Variants in ANP32B observed in about 807,000 individuals in gnomAD.
ANP32B encodes acidic nuclear phosphoprotein 32 family member B, also known as acidic leucine-rich nuclear phosphoprotein 32 family member B.
Under a neutral mutation model 32.2 loss-of-function variants are expected in ANP32B, and 6 were observed. The ratio of observed to expected loss-of-function variants is 0.19; its 90% CI spans 0.10 to 0.37. The LOEUF (loss-of-function observed/expected upper bound fraction) is 0.37. Ranked by LOEUF, ANP32B falls within the 10% of genes least tolerant of loss-of-function variation. ANP32B has a pLI of 1.00. For missense variants in ANP32B, 204 were observed against 289.2 expected, an observed-to-expected ratio of 0.71 and a Z score of 2.14; for synonymous variants, 98 against 105.8, an observed-to-expected ratio of 0.93 and a Z score of 0.45.
chr9:97,991,925 C>T (rs1397999595), intron 1 of ANP32B, among the ~76,000 whole-genome samples: 1 of 152,208 alleles, frequency 6.6e-6, no homozygotes, highest in African/African-American at 2.4e-5. Context: ...AGGTTTTCAT[C>T]TTAGTCCCCC....
intron 1 of ANP32B, among the ~76,000 whole-genome samples, chr9:97,985,790 A>G (rs984847117): frequency 2.0e-5 from 3 of 152,096 alleles, no homozygotes; most frequent in Admixed American, 6.5e-5. Flanking sequence ...TTAAAAACAC[A>G]TGTATATCTA....
At chr9:98,008,171 A>G (rs749817377) in intron 4 of ANP32B, among the ~76,000 whole-genome samples, 1 of 152,064 alleles carries the variant, frequency 6.6e-6, no homozygotes, top group African/African-American at 2.4e-5. Context: ...GTTCCCCTCC[A>G]TGTGTCCATG....
At position 98,005,098 on chromosome 9, in the gene ANP32B, A is replaced by G. The variant is rs751887486; in HGVS notation, c.462A>G (p.Glu154=). The change falls in exon 4 of 7, where the codon GAA becomes GAG. Residue 154 remains glutamate, a synonymous_variant. Coordinates refer to ENST00000339399, the MANE Select transcript of ANP32B (RefSeq NM_006401.3). ...YLDGYDREDQ[E]APDSDAEVDG... is the part of the protein sequence containing the mutation. ...ATGGCTATGACCGAGAGGACCAGGA[A>G]GCACCTGACTCAGATGCCGAGGTGG... The G allele has an allele frequency of 6.2e-7, 1 of 1,613,996 alleles. No homozygotes were observed. Among genetic ancestry groups the G allele is most frequent in the South Asian group, 1.1e-5 (1 of 91,066 alleles).
chr9:98,008,820 A>G (rs1002636252), intron 4 of ANP32B, among the ~76,000 whole-genome samples: 4 of 152,172 alleles, frequency 2.6e-5, no homozygotes, highest in African/African-American at 9.7e-5. Context: ...ATTATATATT[A>G]CAATGTAATA....
At chr9:97,984,614 G>T (rs1827672404) in intron 1 of ANP32B, 1 of 150,804 alleles carries the variant, frequency 6.6e-6, no homozygotes. Flanking sequence ...TGCGCCTGGT[G>T]AGCCGGCCCA....
At chr9:97,994,402 CGTAA>C (rs1164689795) in intron 1 of ANP32B, among the ~76,000 whole-genome samples, 2 of 152,282 alleles carry the variant, frequency 1.3e-5, no homozygotes, top group South Asian at 2.1e-4. Context: ...AAACAAAGAG[CGTAA>C]GTGTTTATAC....
intron 1 of ANP32B, among the ~76,000 whole-genome samples, chr9:97,986,144 A>G (rs534894599): frequency 2.6e-5 from 4 of 152,294 alleles, no homozygotes; most frequent in African/African-American, 9.6e-5. Context: ...TCAAGTAATC[A>G]GCTTAACCTT....
intron 1 of ANP32B, among the ~76,000 whole-genome samples, chr9:97,992,161 C>T (rs1337032004): frequency 1.3e-5 from 2 of 152,156 alleles, no homozygotes; most frequent in Non-Finnish European, 2.9e-5. Flanking sequence ...ACATTCTCAG[C>T]TCACTGCAAC....
intron 1 of ANP32B, among the ~76,000 whole-genome samples, chr9:97,984,333 C>T (rs954759713): frequency 1.1e-4 from 16 of 151,306 alleles, no homozygotes; most frequent in Non-Finnish European, 1.0e-4. Context: ...ATTTTTCAAG[C>T]CCAAAAATAA....
At chr9:97,995,785 C>T (rs543463172) in intron 2 of ANP32B, among the ~76,000 whole-genome samples, 4 of 151,972 alleles carry the variant, frequency 2.6e-5, no homozygotes, top group East Asian at 3.9e-4. Flanking sequence ...CAGCTGGGCA[C>T]GGTGGCACGC....
intron 3 of ANP32B, among the ~76,000 whole-genome samples, chr9:98,002,052 C>A (rs898645712): frequency 6.6e-6 from 1 of 152,104 alleles, no homozygotes; most frequent in Non-Finnish European, 1.5e-5. Flanking sequence ...AGATTCCTGG[C>A]GGTGCTAGGT....
At position 98,005,090 on chromosome 9, in the gene ANP32B, G is replaced by A. The variant is rs1828055443; in HGVS notation, c.454G>A (p.Asp152Asn). The A allele has an allele frequency of 6.2e-7, 1 of 1,613,952 alleles. No individual in the cohort carries two copies. The highest frequency in any genetic ancestry group is 1.1e-5 in the South Asian group (1 of 91,076). ...LTYLDGYDRE[D>N]QEAPDSDAEV... The stretch of plus-strand genomic sequence containing the variant: ...CTACTTGGATGGCTATGACCGAGAG[G>A]ACCAGGAAGCACCTGACTCAGATGC... The change falls in exon 4 of 7, where the codon GAC becomes AAC. Residue 152 changes from aspartate to asparagine, a missense_variant. Physicochemically the swap from Asp to Asn is conservative, Grantham distance 23. Transcript: ENST00000339399.
At chr9:98,012,498 C>T (rs1373765103) in intron 6 of ANP32B, 26 bp downstream of exon 6, 2 of 1,606,692 alleles carry the variant, frequency 1.2e-6, no homozygotes, top group East Asian at 2.2e-5. Context: ...GCATTTTGAT[C>T]ATTCTCAGTT....
Position 98,015,266 on chromosome 9 carries a change from CCTAA to C in ANP32B, c.689-95_689-92del, listed in dbSNP as rs150191147. The C allele has an allele frequency of 2.4e-4, 356 of 1,504,404 alleles. 1 individual carries two copies. The African/African-American group carries it at 3.8e-3, about 16-fold the overall frequency. The allele number at this position is 1,504,404 out of a possible 1,614,324, so 93.2% of individuals were successfully genotyped here. A position where few individuals can be genotyped will look rare whatever the true frequency, so the allele number is the denominator to read the frequency against. On this transcript the variant is annotated intron_variant, in intron 6 of 6. Transcript: ENST00000339399. ...TGATCAAGTTTACATTGTTTTATCT[CCTAA>C]CTGTCAAAAACTTTGTTGTTGTTGC...
At chr9:98,008,161 G>A (rs1828119169) in intron 4 of ANP32B, among the ~76,000 whole-genome samples, 1 of 152,076 alleles carries the variant, frequency 6.6e-6, no homozygotes, top group Admixed American at 6.5e-5. Context: ...AGTGTGTGTT[G>A]TTCCCCTCCA....
chr9:97,997,885 G>T (rs1374611404), intron 2 of ANP32B, among the ~76,000 whole-genome samples: 2 of 152,188 alleles, frequency 1.3e-5, no homozygotes, highest in South Asian at 4.1e-4. Flanking sequence ...TTACTTGCCT[G>T]TGCTACTTGA....
intron 4 of ANP32B, among the ~76,000 whole-genome samples, chr9:98,006,921 G>A (rs1182747339): frequency 6.6e-6 from 1 of 152,058 alleles, no homozygotes; most frequent in East Asian, 1.9e-4. Context: ...CTGGGAGGCG[G>A]AGGTTGCAGT....
intron 4 of ANP32B, among the ~76,000 whole-genome samples, chr9:98,009,596 A>C (rs1369601345): frequency 6.6e-6 from 1 of 152,212 alleles, no homozygotes; most frequent in East Asian, 1.9e-4. Flanking sequence ...TCCTATGAGG[A>C]TCTAACAGGT....
At chr9:97,994,523 C>A in intron 1 of ANP32B, 108 bp from the exon 2 acceptor site, 1 of 1,053,222 alleles carries the variant, frequency 9.5e-7, no homozygotes, top group Non-Finnish European at 1.4e-6. Context: ...AAGAGGCTGC[C>A]TGTATATATG....
Sources: gnomAD v4.1 joint callset for allele counts (sites outside exome capture counted in the v4.1 genomes callset) on GRCh38, gnomAD v4.1.1 for gene constraint, MANE v1.5 for transcripts, NCBI Gene and HGNC (gene_info 2026-07-23, HGNC 2026-07-21) for gene names.